FA2H: variants seen among roughly 807,000 people sequenced by gnomAD.
FA2H encodes the protein fatty acid alpha-hydroxylase.
FA2H carries 22 observed loss-of-function variants against 44.9 expected under a neutral mutation model. The observed-to-expected ratio is 0.49, with a 90% CI of 0.35 to 0.70. FA2H has a LOEUF of 0.70. Ranked by LOEUF, FA2H falls within the 30% of genes least tolerant of loss-of-function variation. The pLI, the probability that FA2H is intolerant of heterozygous loss-of-function variation, is 0.01. For synonymous variants in FA2H, 243 were observed against 213.2 expected (o/e 1.14, Z -1.22); for missense variants, 501 against 504.9 (o/e 0.99, Z 0.07).
At chr16:74,767,562 T>C (rs1962832453) in intron 1 of FA2H, among the ~76,000 whole-genome samples, 1 of 152,122 alleles carries the variant, frequency 6.6e-6, no homozygotes, top group Non-Finnish European at 1.5e-5. Flanking sequence ...AAGTGGAAGA[T>C]GGATGTAGGA....
rs549497301 is a variant in FA2H at position 74,746,932 on chromosome 16, G to T, written c.271-6817C>A. On this transcript the variant is annotated intron_variant, in intron 1 of 6. Coordinates refer to ENST00000219368, the MANE Select transcript of FA2H (RefSeq NM_024306.5). Reference sequence around the variant, plus strand: ...GAAGGGCAACCTCAGGTGGGGACTGGTTTCTAGAGGAAGCAGCGGGTCAGG... The same window carrying T: ...GAAGGGCAACCTCAGGTGGGGACTGTTTTCTAGAGGAAGCAGCGGGTCAGG... Among the ~76,000 whole-genome samples the T allele has an allele frequency of 2.6e-5, 4 of 152,314 alleles. No homozygotes were observed. The South Asian group carries it at 8.3e-4, about 32-fold the overall frequency.
intron 1 of FA2H, among the ~76,000 whole-genome samples, chr16:74,752,280 G>C (rs4371176): frequency 0.2 from 29,789 of 152,048 alleles, 3,428 homozygotes; most frequent in Non-Finnish European, 0.25. Flanking sequence ...CAAATGTAGA[G>C]AAAATCTGTC....
At position 74,723,950 on chromosome 16, in the gene FA2H, A is replaced by G. The variant is rs536168341; in HGVS notation, c.613+2275T>C. 9.2e-5 allele frequency among the ~76,000 whole-genome samples: 14 copies of G among 152,168 alleles called. No homozygotes were observed. In the South Asian group the frequency reaches 2.5e-3, roughly 27 times the overall value. On this transcript the variant is annotated intron_variant, in intron 4 of 6. Transcript: ENST00000219368. ...GGAATCTCACTCTGTCATCCAGGCT[A>G]GAGTGCAGTGGCATGATCCTGGCTC... is the stretch of plus-strand genomic sequence containing the variant.
intron 1 of FA2H, among the ~76,000 whole-genome samples, chr16:74,769,016 G>A (rs1344558367): frequency 2.0e-5 from 3 of 152,148 alleles, no homozygotes; most frequent in Non-Finnish European, 4.4e-5. Context: ...GGGCATGGGG[G>A]AGTATGAGCC....
chr16:74,759,259 A>G (rs1453643212), intron 1 of FA2H, among the ~76,000 whole-genome samples: 1 of 152,238 alleles, frequency 6.6e-6, no homozygotes, highest in African/African-American at 2.4e-5. Context: ...TTCATGACAC[A>G]TCTATCTTCC....
At chr16:74,756,683 C>A (rs1208836775) in intron 1 of FA2H, among the ~76,000 whole-genome samples, 2 of 151,736 alleles carry the variant, frequency 1.3e-5, no homozygotes, top group African/African-American at 4.8e-5. Flanking sequence ...CAAAAACAGA[C>A]CTAAATAACT....
chr16:74,717,861 G>A (rs1342264152), intron 5 of FA2H, among the ~76,000 whole-genome samples: 2 of 152,190 alleles, frequency 1.3e-5, no homozygotes, highest in Non-Finnish European at 2.9e-5. Context: ...TAGCGGACAG[G>A]GCAGTGGATC....
At chr16:74,717,635 T>C (rs1000473785) in intron 5 of FA2H, among the ~76,000 whole-genome samples, 1 of 152,158 alleles carries the variant, frequency 6.6e-6, no homozygotes, top group African/African-American at 2.4e-5. Flanking sequence ...GATCCTTAGA[T>C]GGATAGGTCT....
At chr16:74,744,234 T>A (rs1362012906) in intron 1 of FA2H, among the ~76,000 whole-genome samples, 6 of 152,126 alleles carry the variant, frequency 3.9e-5, no homozygotes, top group Non-Finnish European at 1.5e-5. Context: ...CAGGAGTGTG[T>A]AGAGGTCATT....
Position 74,751,937 on chromosome 16 carries a change from G to A in FA2H, c.271-11822C>T, listed in dbSNP as rs576669829. On this transcript the variant is annotated intron_variant, in intron 1 of 6. Coordinates refer to ENST00000219368, the MANE Select transcript of FA2H (RefSeq NM_024306.5). ...TCCCTGGCATCTCAAACCTGGCCCCGGTGAGCTTTGATAGTCCTATCCCAA... is the reference window on the plus strand; with the variant it reads ...TCCCTGGCATCTCAAACCTGGCCCCAGTGAGCTTTGATAGTCCTATCCCAA... 9.2e-5 allele frequency among the ~76,000 whole-genome samples: 14 copies of A among 152,218 alleles called. No individual in the cohort carries two copies. The South Asian group carries it at 2.3e-3, about 25-fold the overall frequency.
chr16:74,738,219 G>A (rs897521526), intron 2 of FA2H, among the ~76,000 whole-genome samples: 6 of 152,142 alleles, frequency 3.9e-5, no homozygotes, highest in African/African-American at 1.2e-4. Context: ...TGTGTAGAGA[G>A]AGAATGAGAG....
chr16:74,727,197 C>G, intron 3 of FA2H, 47 bp downstream of exon 3: 1 of 1,612,958 alleles, frequency 6.2e-7, no homozygotes. Flanking sequence ...TGATTGGCAC[C>G]GTCAGAAGAG....
At chr16:74,766,689 T>C (rs1294460631) in intron 1 of FA2H, among the ~76,000 whole-genome samples, 4 of 152,198 alleles carry the variant, frequency 2.6e-5, no homozygotes, top group African/African-American at 9.6e-5. Context: ...CCATTGGCTC[T>C]TCTTGCTCCA....
chr16:74,734,668 TC>T (rs1226717782), intron 2 of FA2H, among the ~76,000 whole-genome samples: 1 of 152,170 alleles, frequency 6.6e-6, no homozygotes, highest in Non-Finnish European at 1.5e-5. Context: ...AAGGGGGCCT[TC>T]CCTGTTTTCC....
At chr16:74,734,649 C>T (rs1363634042) in intron 2 of FA2H, among the ~76,000 whole-genome samples, 1 of 152,210 alleles carries the variant, frequency 6.6e-6, no homozygotes, top group Non-Finnish European at 1.5e-5. Flanking sequence ...GGGCATGGTG[C>T]CCCGGTAGAA....
intron 2 of FA2H, among the ~76,000 whole-genome samples, chr16:74,738,397 T>A (rs919189785): frequency 3.3e-5 from 5 of 152,024 alleles, no homozygotes; most frequent in African/African-American, 1.2e-4. Flanking sequence ...CCTGCAGTGA[T>A]GGGGCCGGGG....
chr16:74,757,644 T>C (rs1962633133), intron 1 of FA2H, among the ~76,000 whole-genome samples: 1 of 152,180 alleles, frequency 6.6e-6, no homozygotes, highest in Admixed American at 6.5e-5. Context: ...GTACAAAATA[T>C]GTCATTGGGT....
chr16:74,739,652 CA>C (rs1286685457), intron 2 of FA2H, among the ~76,000 whole-genome samples: 2 of 152,182 alleles, frequency 1.3e-5, no homozygotes, highest in Non-Finnish European at 2.9e-5. Flanking sequence ...CTGCAGGTGC[CA>C]GGGGCAGCTC....
In FA2H at chr16:74,754,541, T is replaced by C. The variant is rs567830314; in HGVS notation, c.271-14426A>G. Among the ~76,000 whole-genome samples, 8 of 152,312 alleles carry C rather than the reference T, an allele frequency of 5.3e-5. No homozygotes were observed. The South Asian group carries it at 1.5e-3, about 28-fold the overall frequency. ...AACAGGATTTTTATTTATTTATTTATTTTTGAGACAGGGTCTGGCTCTGTC... is the reference window on the plus strand; with the variant it reads ...AACAGGATTTTTATTTATTTATTTACTTTTGAGACAGGGTCTGGCTCTGTC... On this transcript the variant is annotated intron_variant, in intron 1 of 6. Coordinates refer to ENST00000219368, the MANE Select transcript of FA2H (RefSeq NM_024306.5).
Sources: allele counts gnomAD v4.1 joint callset (sites outside exome capture counted in the v4.1 genomes callset), GRCh38; gene constraint gnomAD v4.1.1; transcripts MANE v1.5; gene names NCBI Gene and HGNC (gene_info 2026-07-23, HGNC 2026-07-21).